DNAI4: variants seen among roughly 807,000 people sequenced by gnomAD.
The protein encoded by DNAI4 is WD repeat domain 78.
In DNAI4, 85 loss-of-function variants were observed where a neutral mutation model predicts 105.8. The ratio of observed to expected loss-of-function variants is 0.80; its 90% confidence interval spans 0.67 to 0.96. The LOEUF (loss-of-function observed/expected upper bound fraction) is 0.96. DNAI4 is among the 40% of genes least tolerant of loss of function. DNAI4 has a pLI of 0.00. For synonymous variants in DNAI4, 352 were observed against 331.5 expected (o/e 1.06, Z -0.67); for missense variants, 1,014 against 1,005.6 (o/e 1.01, Z -0.11).
chr1:66,843,230 AG>A (rs1646193236), intron 8 of DNAI4, among the ~76,000 whole-genome samples: 1 of 8,250 alleles, frequency 1.2e-4, no homozygotes, highest in Non-Finnish European at 2.2e-4. Flanking sequence ...GGTGGGGGGG[AG>A]GAGGAGGAGG....
intron 7 of DNAI4, among the ~76,000 whole-genome samples, chr1:66,857,692 G>A (rs530182952): frequency 5.3e-5 from 8 of 151,918 alleles, no homozygotes; most frequent in Non-Finnish European, 1.2e-4. Context: ...GAACCACAAC[G>A]CCCGGCTGAT....
intron 2 of DNAI4, among the ~76,000 whole-genome samples, chr1:66,894,387 T>G (rs1648133508): frequency 6.6e-6 from 1 of 152,174 alleles, no homozygotes. Flanking sequence ...TGAGACTTTT[T>G]TATTATTGGT....
At chr1:66,871,880 T>C (rs975523002) in intron 5 of DNAI4, among the ~76,000 whole-genome samples, 4 of 152,238 alleles carry the variant, frequency 2.6e-5, no homozygotes, top group African/African-American at 9.6e-5. Flanking sequence ...CTGTTTTAGT[T>C]GAGATTTATG....
chr1:66,871,746 T>A (rs1646851727), intron 5 of DNAI4, among the ~76,000 whole-genome samples: 1 of 152,216 alleles, frequency 6.6e-6, no homozygotes, highest in Non-Finnish European at 1.5e-5. Flanking sequence ...ATCAATAACA[T>A]GCTAGTACTA....
intron 16 of DNAI4, 28 bp downstream of exon 16, chr1:66,822,333 C>A: frequency 6.4e-7 from 1 of 1,568,748 alleles, no homozygotes; most frequent in African/African-American, 1.4e-5. Context: ...AATAAAATGA[C>A]ACAAATTTTT....
intron 1 of DNAI4, among the ~76,000 whole-genome samples, chr1:66,920,667 C>T (rs1360089590): frequency 6.6e-6 from 1 of 152,150 alleles, no homozygotes; most frequent in Non-Finnish European, 1.5e-5. Context: ...GTGGAGTTCA[C>T]CCCTGCCAGC....
chr1:66,883,733 T>G (rs988881907), intron 4 of DNAI4, among the ~76,000 whole-genome samples: 10 of 152,216 alleles, frequency 6.6e-5, no homozygotes, highest in African/African-American at 2.2e-4. Context: ...GACAACTTAT[T>G]ATTGGGTACA....
chr1:66,819,601 G>A (rs1645584758), intron 16 of DNAI4, among the ~76,000 whole-genome samples: 1 of 151,976 alleles, frequency 6.6e-6, no homozygotes, highest in African/African-American at 2.4e-5. Flanking sequence ...GCTCATACTA[G>A]TAAGAAAAAT....
At position 66,893,243 on chromosome 1, in the gene DNAI4, T is replaced by G; in HGVS notation, c.516A>C (p.Leu172Phe). 1.3e-6 allele frequency: 2 copies of G among 1,583,300 alleles called. No homozygotes were observed. The highest frequency in any genetic ancestry group is 1.7e-6 in the Non-Finnish European group (2 of 1,165,212). The part of the protein sequence containing the change: ...LYQNTINPST[L>F]GQFTRSVLGS... The stretch of plus-strand genomic sequence containing the variant: ...GTATACTCTACCTTGTAAACTGCCC[T>G]AACGTACTAGGATTTATTGTATTCT... Residue 172 changes from leucine (L) to phenylalanine (F), a missense_variant, in exon 3 of 17, where the codon TTA becomes TTC. Physicochemically the swap from Leu to Phe is conservative, Grantham distance 22. Coordinates refer to ENST00000371026, the MANE Select transcript of DNAI4 (RefSeq NM_024763.5).
chr1:66,828,056 TC>T (rs1645792091), intron 13 of DNAI4, 146 bp from the exon 14 acceptor site: 3 of 454,432 alleles, frequency 6.6e-6, no homozygotes, highest in Non-Finnish European at 1.2e-5. Flanking sequence ...CTTGTCTTTT[TC>T]TTTTGTCATG....
intron 2 of DNAI4, 57 bp from the exon 3 acceptor site, chr1:66,893,470 A>G (rs1288985718): frequency 4.9e-6 from 6 of 1,221,990 alleles, no homozygotes; most frequent in Non-Finnish European, 6.6e-6. Context: ...CTTCTAAATA[A>G]CAGCTGCTAG....
In DNAI4 at chr1:66,827,019, G is replaced by A. The variant is rs775090672; in HGVS notation, c.2140C>T (p.Pro714Ser). 6 of 1,613,716 alleles carry A rather than the reference G, an allele frequency of 3.7e-6. No individual in the cohort carries two copies. The African/African-American group carries it at 5.3e-5, about 14-fold the overall frequency. ...KGPVYKVTWN[P>S]FCHDVFLSCS... is the part of the protein sequence containing the mutation. ...CTTAAAAATACATCATGACAAAATG[G>A]ATTCCATGTCACTTTATACACTGGA... is the stretch of plus-strand genomic sequence containing the variant. Residue 714 changes from proline to serine, a missense_variant, in exon 15 of 17, where the codon CCA becomes TCA. By Grantham distance (74) the Pro-to-Ser change is moderately conservative. Coordinates refer to ENST00000371026, the MANE Select transcript of DNAI4 (RefSeq NM_024763.5).
Position 66,924,602 on chromosome 1 carries a change from T to C in DNAI4, c.170+60A>G, listed in dbSNP as rs373053790. ...CAAATCCAGAAATGGTATCTATTAA[T>C]AGAAGGGCTCCCTCCGGGTCCCAGG... On this transcript the variant is annotated intron_variant, in intron 1 of 16. Transcript: ENST00000371026. 107 of 1,612,340 alleles carry C rather than the reference T, an allele frequency of 6.6e-5. No homozygotes were observed. The African/African-American group carries it at 1.3e-3, about 20-fold the overall frequency.
chr1:66,912,520 T>C (rs2100865504), intron 1 of DNAI4, among the ~76,000 whole-genome samples: 1 of 152,178 alleles, frequency 6.6e-6, no homozygotes, highest in Non-Finnish European at 1.5e-5. Flanking sequence ...CTCACCTACC[T>C]GTGACCTGGA....
chr1:66,814,096 A>T lies in DNAI4; in HGVS notation c.*34T>A. 1 of 1,563,610 alleles carries T rather than the reference A, an allele frequency of 6.4e-7. No individual in the cohort carries two copies. Among genetic ancestry groups the T allele is most frequent in the Non-Finnish European group, 8.6e-7 (1 of 1,160,390 alleles). Reference sequence around the variant, plus strand: ...ATATTGGATGTTAATTCCTTTTTTAAAACAACTACAAGAAAAATATTAGGA... The same window carrying T: ...ATATTGGATGTTAATTCCTTTTTTATAACAACTACAAGAAAAATATTAGGA... On this transcript the variant is annotated 3_prime_UTR_variant, in exon 17 of 17. Transcript: ENST00000371026.
chr1:66,814,255 T>C, intron 16 of DNAI4, 75 bp from the exon 17 acceptor site: 2 of 1,181,938 alleles, frequency 1.7e-6, no homozygotes, highest in South Asian at 1.4e-5. Flanking sequence ...TAAAATGCCA[T>C]TTAAAATTTA....
At position 66,813,589 on chromosome 1, in the gene DNAI4, G is replaced by T. The variant is rs1211877862; in HGVS notation, c.*541C>A. ...TCTGATATTTACTGTCATATATTTT[G>T]CTTGCCAAATAGTCTAACAAAGTTC... On this transcript the variant is annotated 3_prime_UTR_variant, in exon 17 of 17. Coordinates refer to ENST00000371026, the MANE Select transcript of DNAI4 (RefSeq NM_024763.5). 1 of 152,250 alleles carries T rather than the reference G, an allele frequency of 6.6e-6. No homozygotes were observed. The highest frequency in any genetic ancestry group is 1.5e-5 in the Non-Finnish European group (1 of 68,024). The allele number at this position is 152,250 out of a possible 1,614,324, so 9.4% of individuals were successfully genotyped here.
At chr1:66,851,606 G>A (rs1646397974) in intron 7 of DNAI4, among the ~76,000 whole-genome samples, 1 of 151,798 alleles carries the variant, frequency 6.6e-6, no homozygotes, top group Admixed American at 6.6e-5. Flanking sequence ...GTGGAATCAA[G>A]CTAGAAATCA....
chr1:66,924,810 C>CG lies in DNAI4; in HGVS notation c.21dup (p.Gly8ArgfsTer8). 1 of 1,614,064 alleles carries CG rather than the reference C, an allele frequency of 6.2e-7. No homozygotes were observed. On this transcript the variant is annotated frameshift_variant, in exon 1 of 17. Coordinates refer to ENST00000371026, the MANE Select transcript of DNAI4 (RefSeq NM_024763.5). LOFTEE classifies it high-confidence loss of function. Reference sequence around the variant, plus strand: ...CCGTTAGCGGCTCGGGCCGAGGCTCCGGAATGTTTGCCGGGCGTCATGGCG... The same window carrying CG: ...CCGTTAGCGGCTCGGGCCGAGGCTCCGGGAATGTTTGCCGGGCGTCATGGCG...
Sources: allele counts gnomAD v4.1 joint callset (sites outside exome capture counted in the v4.1 genomes callset), GRCh38; gene constraint gnomAD v4.1.1; transcripts MANE v1.5; gene names NCBI Gene and HGNC (gene_info 2026-07-23, HGNC 2026-07-21).